Variants in VPS13B observed in about 807,000 individuals in gnomAD.
VPS13B encodes intermembrane lipid transfer protein VPS13B.
A neutral mutation model predicts 426.4 loss-of-function variants in VPS13B; 285 were observed. That is an observed-to-expected ratio of 0.67 (90% CI 0.61 to 0.74). The LOEUF (loss-of-function observed/expected upper bound fraction) is 0.74, where lower values mean the gene tolerates loss of function less well. Among genes scored for constraint, VPS13B ranks in the 30% least tolerant of loss-of-function variants. The pLI, the probability that VPS13B is intolerant of heterozygous loss-of-function variation, is 0.00. For missense variants in VPS13B, 4,537 were observed against 4,782.6 expected (o/e 0.95, Z 1.51); for synonymous variants, 1,676 against 1,676.4 (o/e 1.00, Z 0.01).
intron 33 of VPS13B, among the ~76,000 whole-genome samples, chr8:99,581,556 C>T (rs1826060512): frequency 6.6e-6 from 1 of 152,124 alleles, no homozygotes; most frequent in Admixed American, 6.6e-5. Flanking sequence ...CTATAATTTC[C>T]ATGATTTCTA....
At chr8:99,584,062 A>G (rs1826196675) in intron 33 of VPS13B, among the ~76,000 whole-genome samples, 1 of 152,146 alleles carries the variant, frequency 6.6e-6, no homozygotes, top group African/African-American at 2.4e-5. Context: ...CAATAAACAC[A>G]GACTCCAGTA....
At chr8:99,302,389 A>G (rs991062987) in intron 19 of VPS13B, among the ~76,000 whole-genome samples, 6 of 152,232 alleles carry the variant, frequency 3.9e-5, no homozygotes, top group African/African-American at 1.4e-4. Flanking sequence ...AGCTTGGCTT[A>G]GCCTACCTTA....
intron 17 of VPS13B, among the ~76,000 whole-genome samples, chr8:99,231,120 T>C (rs1655339852): frequency 2.0e-5 from 3 of 152,256 alleles, no homozygotes; most frequent in Admixed American, 2.0e-4. Flanking sequence ...GTCAATGAGT[T>C]AAAGTATAAG....
chr8:99,817,921 A>G, intron 45 of VPS13B, 118 bp downstream of exon 45: 1 of 1,462,510 alleles, frequency 6.8e-7, no homozygotes, highest in South Asian at 1.2e-5. Flanking sequence ...AAGGGGAGTG[A>G]AAGGCTTTGA....
At chr8:99,359,760 C>T (rs1184153534) in intron 19 of VPS13B, among the ~76,000 whole-genome samples, 1 of 152,136 alleles carries the variant, frequency 6.6e-6, no homozygotes, top group Non-Finnish European at 1.5e-5. Flanking sequence ...AAAAGTATGG[C>T]CTCTACATTA....
At chr8:99,477,241 G>T (rs1819743655) in intron 24 of VPS13B, among the ~76,000 whole-genome samples, 1 of 152,100 alleles carries the variant, frequency 6.6e-6, no homozygotes, top group Non-Finnish European at 1.5e-5. Context: ...CCCCTAAAAT[G>T]CACGCAGACA....
intron 17 of VPS13B, among the ~76,000 whole-genome samples, chr8:99,225,692 T>C (rs1179460871): frequency 6.6e-6 from 1 of 152,216 alleles, no homozygotes; most frequent in Non-Finnish European, 1.5e-5. Context: ...GGGCTCTACT[T>C]TGTGTTACCA....
chr8:99,681,460 C>T (rs764607571), intron 35 of VPS13B, among the ~76,000 whole-genome samples: 6 of 152,132 alleles, frequency 3.9e-5, no homozygotes, highest in African/African-American at 1.2e-4. Flanking sequence ...TACTAACGTA[C>T]GTCTTGTACA....
chr8:99,502,140 A>G (rs995119304), intron 26 of VPS13B, among the ~76,000 whole-genome samples: 1 of 151,906 alleles, frequency 6.6e-6, no homozygotes, highest in African/African-American at 2.4e-5. Flanking sequence ...GTGCACCACG[A>G]CACCCAGCTA....
At chr8:99,037,314 GTAA>G (rs144328786) in intron 2 of VPS13B, among the ~76,000 whole-genome samples, 8 of 151,110 alleles carry the variant, frequency 5.3e-5, no homozygotes, top group Admixed American at 3.3e-4. Context: ...CCACACTTTT[GTAA>G]TAATAATAAT....
rs755690262 is a variant in VPS13B, at chr8:99,476,600, G to A, written c.3667-4999G>A. ...AGAAAATACATGTATGATACCTTAC[G>A]TTCAGGGGAACCAAGATTTGATTAA... On this transcript the variant is annotated intron_variant, in intron 24 of 61. Transcript: ENST00000357162. 3.9e-5 allele frequency among the ~76,000 whole-genome samples: 6 copies of A among 152,128 alleles called. No individual in the cohort carries two copies. In the East Asian group the frequency reaches 5.8e-4, roughly 15 times the overall value.
intron 19 of VPS13B, among the ~76,000 whole-genome samples, 195 bp downstream of exon 19, chr8:99,275,449 AATG>A (rs1159581346): frequency 1.3e-5 from 2 of 151,904 alleles, no homozygotes; most frequent in African/African-American, 4.8e-5. Context: ...GTTTATAAAT[AATG>A]ATTTTATTTA....
intron 19 of VPS13B, among the ~76,000 whole-genome samples, chr8:99,361,233 C>G (rs1003465536): frequency 6.6e-6 from 1 of 152,186 alleles, no homozygotes; most frequent in South Asian, 2.1e-4. Flanking sequence ...TCATTAGACA[C>G]TCACCTGCAT....
At chr8:99,656,194 A>G (rs1328107251) in intron 34 of VPS13B, among the ~76,000 whole-genome samples, 2 of 152,230 alleles carry the variant, frequency 1.3e-5, no homozygotes, top group Non-Finnish European at 2.9e-5. Context: ...AGCTTTGTCA[A>G]TACAAATGCC....
chr8:99,207,833 C>A (rs1339072306), intron 17 of VPS13B, among the ~76,000 whole-genome samples: 7 of 152,154 alleles, frequency 4.6e-5, no homozygotes, highest in Non-Finnish European at 7.4e-5. Context: ...GTTGTATTCA[C>A]TTATCAGTCA....
At chr8:99,260,917 G>A (rs1222834865) in intron 17 of VPS13B, among the ~76,000 whole-genome samples, 1 of 151,936 alleles carries the variant, frequency 6.6e-6, no homozygotes, top group Non-Finnish European at 1.5e-5. Context: ...AGCTTGTAAT[G>A]GAACAAGTTA....
intron 2 of VPS13B, among the ~76,000 whole-genome samples, chr8:99,030,232 TCGG>T: frequency 6.6e-6 from 1 of 150,986 alleles, no homozygotes. Flanking sequence ...TTTTTTTTTT[TCGG>T]CTAACCTGGG....
intron 17 of VPS13B, among the ~76,000 whole-genome samples, chr8:99,241,846 TTA>T (rs1241884518): frequency 5.9e-5 from 9 of 152,202 alleles, no homozygotes; most frequent in Admixed American, 5.9e-4. Context: ...ATGAGATACT[TTA>T]TGTCTGTTAC....
chr8:99,634,429 A>G (rs1828990626), intron 33 of VPS13B, among the ~76,000 whole-genome samples: 2 of 152,000 alleles, frequency 1.3e-5, no homozygotes, highest in African/African-American at 2.4e-5. Context: ...TAGTGGCCTC[A>G]TACTGTTACT....
Sources: allele counts gnomAD v4.1 joint callset (sites outside exome capture counted in the v4.1 genomes callset), GRCh38; gene constraint gnomAD v4.1.1; transcripts MANE v1.5; gene names NCBI Gene and HGNC (gene_info 2026-07-23, HGNC 2026-07-21).